FGF1: variants seen among roughly 807,000 people sequenced by gnomAD.
FGF1 encodes beta-endothelial cell growth factor.
FGF1 carries 9 observed loss-of-function variants against 13.4 expected under a neutral mutation model. The ratio of observed to expected loss-of-function variants is 0.67; its 90% CI spans 0.40 to 1.17. The LOEUF (loss-of-function observed/expected upper bound fraction) is 1.17. FGF1 is among the 50% of genes most tolerant of loss of function. FGF1 has a pLI of 0.01. For synonymous variants in FGF1, 93 were observed against 79.0 expected (o/e 1.18, Z -0.94); for missense variants, 156 against 192.7 (o/e 0.81, Z 1.13).
At chr5:142,617,525 A>G (rs1290850987) in intron 1 of FGF1, among the ~76,000 whole-genome samples, 3 of 152,118 alleles carry the variant, frequency 2.0e-5, no homozygotes, top group Non-Finnish European at 4.4e-5. Context: ...GTGTACCTGC[A>G]GTCATACAAG....
At chr5:142,631,787 T>C (rs1044563280) in intron 1 of FGF1, among the ~76,000 whole-genome samples, 43 of 143,786 alleles carry the variant, frequency 3.0e-4, no homozygotes, top group African/African-American at 1.1e-3. Context: ...AGCTTTTTTT[T>C]TTTTTTTTTT....
intron 1 of FGF1, among the ~76,000 whole-genome samples, chr5:142,642,535 G>A (rs1373598460): frequency 6.6e-6 from 1 of 152,216 alleles, no homozygotes; most frequent in Admixed American, 6.5e-5. Flanking sequence ...GGAACACACA[G>A]GGCTTCTGAA....
At chr5:142,661,408 G>A (rs1401765058) in intron 1 of FGF1, among the ~76,000 whole-genome samples, 1 of 152,210 alleles carries the variant, frequency 6.6e-6, no homozygotes, top group African/African-American at 2.4e-5. Flanking sequence ...GTAAAATGGT[G>A]CAGCCACTTT....
intron 1 of FGF1, among the ~76,000 whole-genome samples, chr5:142,623,980 C>A (rs1471804279): frequency 6.6e-6 from 1 of 152,014 alleles, no homozygotes; most frequent in African/African-American, 2.4e-5. Flanking sequence ...AGTGCAATGG[C>A]ACAATCTTGG....
chr5:142,603,721 G>A (rs1440332165), intron 2 of FGF1, among the ~76,000 whole-genome samples: 1 of 152,198 alleles, frequency 6.6e-6, no homozygotes, highest in African/African-American at 2.4e-5. Context: ...CTCTGAGGGG[G>A]GCAGTAAGAT....
In FGF1 at chr5:142,618,921, GTTGTTTTGTTTTTTT is replaced by G. The variant is rs1174126084; in HGVS notation, c.-34-4775_-34-4761del. On this transcript the variant is annotated intron_variant, in intron 1 of 3. Transcript: ENST00000337706. ...GGCAAACACTGACATTTATTTTTTA[GTTGTTTTGTTTTTTT>G]TTTTTTTTTTTTTTTTGAGACGGAG... Among the ~76,000 whole-genome samples the G allele has an allele frequency of 8.9e-3, 968 of 108,388 alleles. 27 individuals are homozygous for G. The highest frequency in any genetic ancestry group is 0.03 in the African/African-American group (919 of 30,690). The allele number at this position is 108,388 out of a possible 152,430, so 71.1% of individuals were successfully genotyped here.
chr5:142,618,190 A>T (rs767533548), intron 1 of FGF1, among the ~76,000 whole-genome samples: 11 of 152,124 alleles, frequency 7.2e-5, no homozygotes, highest in Admixed American at 2.6e-4. Context: ...GGAAATCCAG[A>T]TGATTTTTTT....
intron 1 of FGF1, among the ~76,000 whole-genome samples, chr5:142,668,338 A>G (rs1226490595): frequency 1.3e-5 from 2 of 152,182 alleles, no homozygotes; most frequent in Non-Finnish European, 2.9e-5. Flanking sequence ...TGTGACTTCC[A>G]TTTCCTAGGT....
At position 142,614,036 on chromosome 5, in the gene FGF1, C is replaced by T. The variant is rs1281851920; in HGVS notation, c.92G>A (p.Cys31Tyr). 7 of 1,614,138 alleles carry T rather than the reference C, an allele frequency of 4.3e-6. No homozygotes were observed. The highest frequency in any genetic ancestry group is 5.9e-6 in the Non-Finnish European group (7 of 1,180,024). Residue 31 changes from cysteine (C) to tyrosine (Y), a missense_variant, in exon 2 of 4, where the codon TGT becomes TAT. Cys to Tyr is a radical substitution (Grantham distance 194). Coordinates refer to ENST00000337706, the MANE Select transcript of FGF1 (RefSeq NM_000800.5). ...CCTCAGGAAGTGGCCCCCGTTGCTA[C>T]AGTAGAGGAGTTTGGGCTTCTTGTA... ...GNYKKPKLLY[C>Y]SNGGHFLRIL...
intron 1 of FGF1, among the ~76,000 whole-genome samples, chr5:142,681,590 T>A (rs1465585965): frequency 6.6e-6 from 1 of 152,190 alleles, no homozygotes; most frequent in African/African-American, 2.4e-5. Flanking sequence ...CCTGGCCTAC[T>A]TTCTAGGGTC....
chr5:142,648,689 CAAAAA>C (rs11451715), intron 1 of FGF1, among the ~76,000 whole-genome samples: 83 of 66,228 alleles, frequency 1.3e-3, no homozygotes, highest in African/African-American at 4.9e-3. Context: ...CCCCACCAAC[CAAAAA>C]AAAAAAAAAA....
chr5:142,630,091 A>G (rs1360877453), intron 1 of FGF1, among the ~76,000 whole-genome samples: 7 of 151,964 alleles, frequency 4.6e-5, no homozygotes, highest in Non-Finnish European at 8.8e-5. Context: ...ACGGGGTCTC[A>G]CCATGTTAGC....
chr5:142,667,455 G>A (rs544568370), intron 1 of FGF1, among the ~76,000 whole-genome samples: 7 of 151,510 alleles, frequency 4.6e-5, no homozygotes, highest in East Asian at 3.9e-4. Context: ...GCGCGGTGGC[G>A]GGCGCCTGTA....
rs1403029192 is a variant in FGF1 at position 142,608,573 on chromosome 5, TATATATATATAC to T, written c.169+5374_169+5385del. Among the ~76,000 whole-genome samples, 214 of 88,366 alleles carry T rather than the reference TATATATATATAC, an allele frequency of 2.4e-3. 3 individuals carry two copies. The highest frequency in any genetic ancestry group is 9.4e-3 in the African/African-American group (155 of 16,422). 58.0% of individuals were successfully genotyped at this position (88,366 alleles called of 152,430 possible). ...ATATATATATATATATATATATATA[TATATATATATAC>T]ACACACACACACATATATGTAAATA... On this transcript the variant is annotated intron_variant, in intron 2 of 3. Coordinates refer to ENST00000337706, the MANE Select transcript of FGF1 (RefSeq NM_000800.5).
chr5:142,662,243 G>A lies in FGF1; in HGVS notation c.-35+23714C>T, dbSNP rs1769390269. ...GAAAAGCCATTGAACTATACACTTT[G>A]AACGGACGAACTGTATAATTGTGAA... On this transcript the variant is annotated intron_variant, in intron 1 of 3. Transcript: ENST00000337706. Among the ~76,000 whole-genome samples the A allele has an allele frequency of 2.6e-5, 4 of 152,232 alleles. No individual in the cohort carries two copies. The South Asian group carries it at 8.3e-4, about 32-fold the overall frequency.
At chr5:142,626,490 T>C (rs1044006067) in intron 1 of FGF1, among the ~76,000 whole-genome samples, 1 of 152,234 alleles carries the variant, frequency 6.6e-6, no homozygotes, top group African/African-American at 2.4e-5. Context: ...ACTATTTTCA[T>C]TGCTGAATAA....
At chr5:142,620,855 CA>C (rs1218117111) in intron 1 of FGF1, among the ~76,000 whole-genome samples, 6 of 152,176 alleles carry the variant, frequency 3.9e-5, no homozygotes, top group African/African-American at 1.4e-4. Context: ...TAAGGCAAGA[CA>C]ACCCAAATAG....
At chr5:142,659,181 A>ATT (rs151016104) in intron 1 of FGF1, among the ~76,000 whole-genome samples, 111 of 147,512 alleles carry the variant, frequency 7.5e-4, no homozygotes, top group Middle Eastern at 3.6e-3. Flanking sequence ...AAAGATAATA[A>ATT]TTTTTTTTGT....
intron 1 of FGF1, among the ~76,000 whole-genome samples, chr5:142,629,433 G>A (rs140195026): frequency 1.3e-5 from 2 of 152,212 alleles, no homozygotes; most frequent in East Asian, 3.9e-4. Flanking sequence ...CAAATTTCAG[G>A]GATTATAGGC....
Sources: gnomAD v4.1 joint callset for allele counts (sites outside exome capture counted in the v4.1 genomes callset) on GRCh38, gnomAD v4.1.1 for gene constraint, MANE v1.5 for transcripts, NCBI Gene and HGNC (gene_info 2026-07-23, HGNC 2026-07-21) for gene names.